SNTG1: variants seen among roughly 807,000 people sequenced by gnomAD.
The protein encoded by SNTG1 is syntrophin gamma 1, also known as gamma-1-syntrophin.
In SNTG1, 39 loss-of-function variants were observed where a neutral mutation model predicts 74.7. The observed-to-expected ratio is 0.52, with a 90% confidence interval of 0.40 to 0.68. SNTG1 has a LOEUF of 0.68. Among genes scored for constraint, SNTG1 ranks in the 30% least tolerant of loss-of-function variants. The probability of loss-of-function intolerance (pLI) is 0.00; values close to 1 mark genes in which losing one functional copy is unlikely to be tolerated. For synonymous variants in SNTG1, 254 were observed against 217.1 expected, an observed-to-expected ratio of 1.17 and a Z score of -1.49; for missense variants, 685 against 609.5, an observed-to-expected ratio of 1.12 and a Z score of -1.30.
chr8:50,191,394 A>T (rs1423035290), intron 2 of SNTG1, among the ~76,000 whole-genome samples: 1 of 152,136 alleles, frequency 6.6e-6, no homozygotes, highest in East Asian at 1.9e-4. Context: ...TCAGCATAGG[A>T]TGCTCTAATA....
At chr8:50,347,470 A>G (rs2091515434) in intron 2 of SNTG1, among the ~76,000 whole-genome samples, 1 of 152,228 alleles carries the variant, frequency 6.6e-6, no homozygotes, top group Admixed American at 6.5e-5. Flanking sequence ...GAAACCTGCA[A>G]CAGGATTAGC....
At chr8:50,045,094 G>C (rs988562525) in intron 1 of SNTG1, among the ~76,000 whole-genome samples, 15 of 152,186 alleles carry the variant, frequency 9.9e-5, no homozygotes, top group African/African-American at 3.6e-4. Flanking sequence ...ACAGTAGGGT[G>C]CAGGGCCAGA....
At chr8:50,103,969 TTTA>T (rs1334989213) in intron 1 of SNTG1, among the ~76,000 whole-genome samples, 2 of 152,190 alleles carry the variant, frequency 1.3e-5, no homozygotes, top group Admixed American at 6.5e-5. Context: ...TTGCCAGTAT[TTTA>T]TTGAGGATTT....
chr8:50,004,454 G>T (rs1245095254), intron 1 of SNTG1, among the ~76,000 whole-genome samples: 14 of 152,110 alleles, frequency 9.2e-5, no homozygotes, highest in Non-Finnish European at 1.5e-5. Flanking sequence ...CCAGAATCTA[G>T]AGGATCCTCA....
intron 2 of SNTG1, among the ~76,000 whole-genome samples, chr8:50,336,316 T>G (rs2130908580): frequency 6.6e-6 from 1 of 152,246 alleles, no homozygotes; most frequent in Non-Finnish European, 1.5e-5. Flanking sequence ...TATTCATAGA[T>G]TTTCTCTCAA....
At chr8:50,376,799 A>C (rs1271609382) in intron 2 of SNTG1, among the ~76,000 whole-genome samples, 1 of 144,964 alleles carries the variant, frequency 6.9e-6, no homozygotes, top group East Asian at 2.0e-4. Flanking sequence ...GTGCTTCCCC[A>C]AGGGTTTGAA....
chr8:50,116,155 C>A (rs2080813679), intron 1 of SNTG1, among the ~76,000 whole-genome samples: 1 of 152,138 alleles, frequency 6.6e-6, no homozygotes, highest in Non-Finnish European at 1.5e-5. Flanking sequence ...ACGCTATAGG[C>A]AGACATCAGT....
At chr8:50,220,214 T>C (rs970322892) in intron 2 of SNTG1, among the ~76,000 whole-genome samples, 5 of 151,982 alleles carry the variant, frequency 3.3e-5, no homozygotes, top group Non-Finnish European at 5.9e-5. Flanking sequence ...ATAGAAGCCA[T>C]CTTTGGGGTA....
At chr8:50,153,523 C>A (rs2082146271) in intron 1 of SNTG1, among the ~76,000 whole-genome samples, 1 of 152,132 alleles carries the variant, frequency 6.6e-6, no homozygotes, top group African/African-American at 2.4e-5. Flanking sequence ...TTTTCCCCAT[C>A]TTTGTGGTTT....
At chr8:50,017,524 A>G (rs553837402) in intron 1 of SNTG1, among the ~76,000 whole-genome samples, 17 of 152,012 alleles carry the variant, frequency 1.1e-4, no homozygotes, top group Non-Finnish European at 1.5e-4. Flanking sequence ...GCTGTTTACA[A>G]GGACACATTT....
intron 2 of SNTG1, among the ~76,000 whole-genome samples, chr8:50,389,378 T>C (rs1459606516): frequency 6.6e-6 from 1 of 152,186 alleles, no homozygotes; most frequent in Non-Finnish European, 1.5e-5. Context: ...GTGGAAATAC[T>C]TAATCGATTG....
chr8:50,387,783 C>T (rs1051608565), intron 2 of SNTG1, among the ~76,000 whole-genome samples: 1 of 152,038 alleles, frequency 6.6e-6, no homozygotes, highest in African/African-American at 2.4e-5. Flanking sequence ...CACCTGTTGC[C>T]ACTTGAGTGT....
chr8:50,604,732 C>G (rs554229173), intron 13 of SNTG1, among the ~76,000 whole-genome samples: 1 of 152,118 alleles, frequency 6.6e-6, no homozygotes, highest in Non-Finnish European at 1.5e-5. Context: ...GCTTGGTGCT[C>G]TACCCCATTG....
chr8:50,240,031 T>C (rs1427893448), intron 2 of SNTG1, among the ~76,000 whole-genome samples: 1 of 152,122 alleles, frequency 6.6e-6, no homozygotes, highest in Non-Finnish European at 1.5e-5. Flanking sequence ...GGGCAGGAAG[T>C]TGTAGGTATA....
chr8:50,285,132 A>G (rs752019024), intron 2 of SNTG1, among the ~76,000 whole-genome samples: 5 of 152,018 alleles, frequency 3.3e-5, no homozygotes, highest in Non-Finnish European at 5.9e-5. Flanking sequence ...GGTCTATGCA[A>G]TCTTACTTAT....
chr8:50,098,907 CA>C (rs1248050738), intron 1 of SNTG1, among the ~76,000 whole-genome samples: 2 of 152,072 alleles, frequency 1.3e-5, no homozygotes, highest in Non-Finnish European at 2.9e-5. Context: ...TACAGCTTTA[CA>C]CAAAATAGTG....
chr8:50,291,090 T>C (rs532592809), intron 2 of SNTG1, among the ~76,000 whole-genome samples: 6 of 152,310 alleles, frequency 3.9e-5, no homozygotes, highest in Non-Finnish European at 8.8e-5. Context: ...GTGGATTTCA[T>C]TAAAGTAATA....
At chr8:50,456,043 A>G (rs924968381) in intron 8 of SNTG1, among the ~76,000 whole-genome samples, 1 of 152,206 alleles carries the variant, frequency 6.6e-6, no homozygotes, top group African/African-American at 2.4e-5. Flanking sequence ...AAGGCCAGAA[A>G]TGCTGTCTAC....
At chr8:50,425,447 G>A (rs1344348298) in intron 4 of SNTG1, among the ~76,000 whole-genome samples, 2 of 152,076 alleles carry the variant, frequency 1.3e-5, no homozygotes, top group Non-Finnish European at 2.9e-5. Context: ...ATCTGTCACT[G>A]TCTCTCATCA....
Sources: gnomAD v4.1 joint callset for allele counts (sites outside exome capture counted in the v4.1 genomes callset) on GRCh38, gnomAD v4.1.1 for gene constraint, MANE v1.5 for transcripts, NCBI Gene and HGNC (gene_info 2026-07-23, HGNC 2026-07-21) for gene names.